BCL11B: variants seen among roughly 807,000 people sequenced by gnomAD.
BCL11B encodes the protein B-cell lymphoma/leukemia 11B.
A neutral mutation model predicts 49.9 loss-of-function variants in BCL11B; 8 were observed. The ratio of observed to expected loss-of-function variants is 0.16; its 90% CI spans 0.09 to 0.29. The LOEUF (loss-of-function observed/expected upper bound fraction) is 0.29. Among genes scored for constraint, BCL11B ranks in the 10% least tolerant of loss-of-function variants. The pLI is 1.00. For synonymous variants in BCL11B, 739 were observed against 637.4 expected (o/e 1.16, Z -2.40); for missense variants, 1,006 against 1,351.0 (o/e 0.74, Z 4.00).
intron 1 of BCL11B, among the ~76,000 whole-genome samples, chr14:99,268,615 C>T (rs955808700): frequency 6.6e-6 from 1 of 152,012 alleles, no homozygotes; most frequent in African/African-American, 2.4e-5. Context: ...CCATTCCTGC[C>T]TTTCCCCTGC....
Position 99,171,013 on chromosome 14 carries a change from C to G in BCL11B, c.*3138G>C, listed in dbSNP as rs989406088. 2 of 232,170 alleles carry G rather than the reference C, an allele frequency of 8.6e-6. No individual in the cohort carries two copies. The highest frequency in any genetic ancestry group is 4.4e-5 in the African/African-American group (2 of 45,270). The allele number at this position is 232,170 out of a possible 1,614,324, so 14.4% of individuals were successfully genotyped here. On this transcript the variant is annotated 3_prime_UTR_variant, in exon 4 of 4. Coordinates refer to ENST00000357195, the MANE Select transcript of BCL11B (RefSeq NM_138576.4). Reference sequence around the variant, plus strand: ...GGAAGATGTTCTCTCGCTCTCTCTCCTCTACATCTGACATCTTAGAGATGG... The same window carrying G: ...GGAAGATGTTCTCTCGCTCTCTCTCGTCTACATCTGACATCTTAGAGATGG...
intron 1 of BCL11B, chr14:99,263,078 G>T (rs1309430372): frequency 6.5e-6 from 1 of 152,716 alleles, no homozygotes; most frequent in East Asian, 1.9e-4. Flanking sequence ...TAGGACACAA[G>T]TTGGGGGTGG....
Position 99,173,763 on chromosome 14 carries a change from T to C in BCL11B, c.*388A>G. 1 of 258,350 alleles carries C rather than the reference T, an allele frequency of 3.9e-6. No homozygotes were observed. The allele number at this position is 258,350 out of a possible 1,614,324, so 16.0% of individuals were successfully genotyped here. A position where few individuals can be genotyped will look rare whatever the true frequency, so the allele number is the denominator to read the frequency against. ...TATAATTTAAAAGATATGCTTCCCC[T>C]CTAACATTGCTTGCGAGTCATTGCT... is the stretch of plus-strand genomic sequence containing the variant. On this transcript the variant is annotated 3_prime_UTR_variant, in exon 4 of 4. Coordinates refer to ENST00000357195, the MANE Select transcript of BCL11B (RefSeq NM_138576.4).
chr14:99,244,785 A>G lies in BCL11B; in HGVS notation c.427+12686T>C, dbSNP rs925499822. ...AGCTAAATCTGAGATTTTAAAATCA[A>G]CTCTTACTCAAAACGCCATGACGGT... On this transcript the variant is annotated intron_variant, in intron 2 of 3. Coordinates refer to ENST00000357195, the MANE Select transcript of BCL11B (RefSeq NM_138576.4). 3.7e-4 allele frequency among the ~76,000 whole-genome samples: 56 copies of G among 152,222 alleles called. 2 individuals are homozygous for G. The highest frequency in any genetic ancestry group is 2.1e-4 in the South Asian group (1 of 4,816).
intron 1 of BCL11B, among the ~76,000 whole-genome samples, chr14:99,258,964 A>G (rs548902584): frequency 6.6e-6 from 1 of 151,626 alleles, no homozygotes; most frequent in African/African-American, 2.4e-5. Flanking sequence ...TGCCTCAAAA[A>G]GCAGCAACCT....
At chr14:99,223,056 G>T (rs183944785) in intron 3 of BCL11B, among the ~76,000 whole-genome samples, 1 of 152,138 alleles carries the variant, frequency 6.6e-6, no homozygotes, top group African/African-American at 2.4e-5. Context: ...GGGTTGGTAC[G>T]AGCTTTGTCT....
chr14:99,254,804 C>A (rs1889111865), intron 2 of BCL11B, among the ~76,000 whole-genome samples: 1 of 152,230 alleles, frequency 6.6e-6, no homozygotes, highest in Non-Finnish European at 1.5e-5. Flanking sequence ...GCCCGTGATT[C>A]CTAGTCCCCC....
rs1450155774 is a variant in BCL11B at position 99,262,593 on chromosome 14, G to C, written c.59-4754C>G. ...TACGCATGTTTACAAGAAATGTTCA[G>C]CATCCATCCGCCCGAGCTCTGCATC... On this transcript the variant is annotated intron_variant, in intron 1 of 3. Transcript: ENST00000357195. This position sits in a 1 kb window ranked among gnomAD's most constrained non-coding sequence, Gnocchi z 4.2. Among the ~76,000 whole-genome samples, 3 of 152,168 alleles carry C rather than the reference G, an allele frequency of 2.0e-5. No homozygotes were observed. Among genetic ancestry groups the C allele is most frequent in the African/African-American group, 7.2e-5 (3 of 41,438 alleles).
intron 3 of BCL11B, among the ~76,000 whole-genome samples, chr14:99,177,326 G>A (rs755881644): frequency 6.6e-6 from 1 of 151,926 alleles, no homozygotes; most frequent in Non-Finnish European, 1.5e-5. Context: ...GCAGCAAATT[G>A]TAGCGAACAC....
chr14:99,230,794 C>G (rs1317816281), intron 3 of BCL11B, among the ~76,000 whole-genome samples: 1 of 152,082 alleles, frequency 6.6e-6, no homozygotes, highest in African/African-American at 2.4e-5. Flanking sequence ...CCTCACACAC[C>G]TCACAGTGTT....
intron 2 of BCL11B, among the ~76,000 whole-genome samples, chr14:99,249,664 G>T (rs532942384): frequency 7.2e-5 from 11 of 152,322 alleles, no homozygotes; most frequent in Admixed American, 3.9e-4. Flanking sequence ...ACTCACCGCT[G>T]TGTGACCTTG....
chr14:99,195,674 G>A lies in BCL11B; in HGVS notation c.641-19479C>T, dbSNP rs1034913241. Among the ~76,000 whole-genome samples the A allele has an allele frequency of 6.6e-6, 1 of 152,112 alleles. No individual in the cohort carries two copies. Among genetic ancestry groups the A allele is most frequent in the African/African-American group, 2.4e-5 (1 of 41,436 alleles). On this transcript the variant is annotated intron_variant, in intron 3 of 3. Transcript: ENST00000357195. This position sits in a 1 kb window ranked among gnomAD's most constrained non-coding sequence, Gnocchi z 4.7. ...TCCCAGGGCCTGCAGCATGGGAAGT[G>A]CTCAAAATAAAGCATAAGTAAGTTT... is the stretch of plus-strand genomic sequence containing the variant.
At chr14:99,266,483 G>T (rs1025648958) in intron 1 of BCL11B, among the ~76,000 whole-genome samples, 1 of 152,148 alleles carries the variant, frequency 6.6e-6, no homozygotes, top group African/African-American at 2.4e-5. Flanking sequence ...AAGAAAGAAA[G>T]AAAATCAAAG....
intron 3 of BCL11B, among the ~76,000 whole-genome samples, chr14:99,201,016 G>C (rs2139819812): frequency 6.6e-6 from 1 of 152,316 alleles, no homozygotes; most frequent in East Asian, 1.9e-4. Context: ...AGCATGGGAG[G>C]AGAAGCCAGG....
chr14:99,268,483 T>C lies in BCL11B; in HGVS notation c.58+2678A>G, dbSNP rs796070674. On this transcript the variant is annotated intron_variant, in intron 1 of 3. Transcript: ENST00000357195. Reference sequence around the variant, plus strand: ...GGAATTTAAAATCTAAAATGTGAACTCCAAGTAGAGGATGCGACAGCACCC... The same window carrying C: ...GGAATTTAAAATCTAAAATGTGAACCCCAAGTAGAGGATGCGACAGCACCC... Among the ~76,000 whole-genome samples, 20 of 152,154 alleles carry C rather than the reference T, an allele frequency of 1.3e-4. 2 individuals carry two copies. The highest frequency in any genetic ancestry group is 4.8e-4 in the African/African-American group (20 of 41,504).
At chr14:99,269,821 T>G (rs1889602691) in intron 1 of BCL11B, among the ~76,000 whole-genome samples, 1 of 125,770 alleles carries the variant, frequency 8.0e-6, no homozygotes, top group African/African-American at 3.2e-5. Context: ...TGCAAGCATA[T>G]AACCTGCCCG....
rs1350554506 is a variant in BCL11B, at chr14:99,242,240, C to A, written c.428-10683G>T. Among the ~76,000 whole-genome samples, 1 of 152,200 alleles carries A rather than the reference C, an allele frequency of 6.6e-6. No individual in the cohort carries two copies. The highest frequency in any genetic ancestry group is 1.9e-4 in the East Asian group (1 of 5,192). On this transcript the variant is annotated intron_variant, in intron 2 of 3. Coordinates refer to ENST00000357195, the MANE Select transcript of BCL11B (RefSeq NM_138576.4). The surrounding 1 kb of genome is among the most constrained non-coding windows in gnomAD (Gnocchi z 4.4). ...GCTGCCACTAACAAAAGATGGAAGA[C>A]CCAGTTCATACAGACAATATTTACA... is the stretch of plus-strand genomic sequence containing the variant.
chr14:99,250,033 CTTTTTT>C (rs35826122), intron 2 of BCL11B, among the ~76,000 whole-genome samples: 1 of 106,260 alleles, frequency 9.4e-6, no homozygotes, highest in African/African-American at 3.5e-5. Context: ...ACAGGAGAAT[CTTTTTT>C]TTTTTTTTTT....
In BCL11B at chr14:99,192,865, A is replaced by ATGAG. The variant is rs1887072625; in HGVS notation, c.641-16674_641-16671dup. 9.9e-6 allele frequency among the ~76,000 whole-genome samples: 1 copy of ATGAG among 101,022 alleles called. No individual in the cohort carries two copies. Among genetic ancestry groups the ATGAG allele is most frequent in the Non-Finnish European group, 2.2e-5 (1 of 45,834 alleles). The allele number at this position is 101,022 out of a possible 152,430, so 66.3% of individuals were successfully genotyped here. The stretch of plus-strand genomic sequence containing the variant: ...ATGCTATTTAATGATCAAAATGTAA[A>ATGAG]TGAGTGAATGAATGAATGAATGAAT... On this transcript the variant is annotated intron_variant, in intron 3 of 3. Coordinates refer to ENST00000357195, the MANE Select transcript of BCL11B (RefSeq NM_138576.4). This position sits in a 1 kb window ranked among gnomAD's most constrained non-coding sequence, Gnocchi z 4.0.
Sources: gnomAD v4.1 joint callset for allele counts (sites outside exome capture counted in the v4.1 genomes callset) on GRCh38, gnomAD v4.1.1 for gene constraint, Gnocchi (gnomAD v3.1) non-coding constraint, MANE v1.5 for transcripts, NCBI Gene and HGNC (gene_info 2026-07-23, HGNC 2026-07-21) for gene names.